Variants in SEMA6C observed in about 807,000 individuals in gnomAD.
SEMA6C encodes semaphorin 6C, also known as semaphorin-6C.
SEMA6C carries 37 observed loss-of-function variants against 72.9 expected under a neutral mutation model. That is an observed-to-expected ratio of 0.51 (90% confidence interval 0.39 to 0.67). The LOEUF is 0.67. SEMA6C is among the 30% of genes least tolerant of loss of function. The pLI, the probability that SEMA6C is intolerant of heterozygous loss-of-function variation, is 0.00. For synonymous variants in SEMA6C, 578 were observed against 554.1 expected (o/e 1.04, Z -0.61); for missense variants, 1,189 against 1,263.6 (o/e 0.94, Z 0.89).
rs757908781 is a variant in SEMA6C, at chr1:151,133,371, G to C, written c.1906C>G (p.Arg636Gly). 6.2e-7 allele frequency: 1 copy of C among 1,600,634 alleles called. No homozygotes were observed. Among genetic ancestry groups the C allele is most frequent in the Non-Finnish European group, 8.5e-7 (1 of 1,175,952 alleles). Residue 636 changes from arginine to glycine, a missense_variant, in exon 19 of 19, where the codon CGG becomes GGG. Arg to Gly is a moderately radical substitution (Grantham distance 125). Coordinates refer to ENST00000368914, the MANE Select transcript of SEMA6C (RefSeq NM_030913.6). The surrounding 1 kb of genome is among the most constrained non-coding windows in gnomAD (Gnocchi z 5.9). The part of the protein sequence containing the change: ...SCACRRAHRR[R>G]GKDIETPGLP... ...CCCGGAGTCTCGATGTCCTTGCCCCGACGTCGGTGGGCGCGGCGACAAGCA... is the reference window on the plus strand; with the variant it reads ...CCCGGAGTCTCGATGTCCTTGCCCCCACGTCGGTGGGCGCGGCGACAAGCA...
In SEMA6C at chr1:151,132,962, C is replaced by T. The variant is rs1159990070; in HGVS notation, c.2315G>A (p.Arg772His). 1 of 1,413,284 alleles carries T rather than the reference C, an allele frequency of 7.1e-7. No homozygotes were observed. Among genetic ancestry groups the T allele is most frequent in the Admixed American group, 2.5e-5 (1 of 40,238 alleles). 87.5% of individuals were successfully genotyped at this position (1,413,284 alleles called of 1,614,324 possible). Residue 772 changes from arginine to histidine, a missense_variant, in exon 19 of 19, where the codon CGC becomes CAC. Around this residue, in one of 2 missense-constraint regions of SEMA6C, gnomAD observed 721 missense variants for 686.2 expected, o/e 1.05. Transcript: ENST00000368914. ...VEVTTLEELL[R>H]YLHGPQPPRK... ...GGGCGGCTGCGGGCCGTGCAGGTAGCGCAGCAGTTCCTCCAGGGTGGTGAC... is the reference window on the plus strand; with the variant it reads ...GGGCGGCTGCGGGCCGTGCAGGTAGTGCAGCAGTTCCTCCAGGGTGGTGAC...
At position 151,132,528 on chromosome 1, in the gene SEMA6C, A is replaced by G; in HGVS notation, c.2749T>C (p.Ser917Pro). 1 of 1,550,202 alleles carries G rather than the reference A, an allele frequency of 6.5e-7. No homozygotes were observed. The highest frequency in any genetic ancestry group is 1.2e-5 in the South Asian group (1 of 84,038). ...CCGTTCGGGACGGCCTGGCGGGAGG[A>G]GGGCCCGACGAGGGGAGGCTTCAGG... ...LSLKPPLVGP[S>P]SRQAVPNGGR... is the part of the protein sequence containing the mutation. Residue 917 changes from serine (S) to proline (P), a missense_variant, in exon 19 of 19, where the codon TCC becomes CCC. Ser to Pro is a moderately conservative substitution (Grantham distance 74). Around this residue, in one of 2 missense-constraint regions of SEMA6C, gnomAD observed 721 missense variants for 686.2 expected, o/e 1.05. Transcript: ENST00000368914.
At chr1:151,142,749 C>A in intron 2 of SEMA6C, 74 bp from the exon 3 acceptor site, 1 of 716,886 alleles carries the variant, frequency 1.4e-6, no homozygotes, top group South Asian at 2.0e-5. Flanking sequence ...GCAGGCTCCT[C>A]TCCTGGTGTA....
Position 151,132,194 on chromosome 1 carries a change from G to A in SEMA6C, c.*290C>T, listed in dbSNP as rs766167849. On this transcript the variant is annotated 3_prime_UTR_variant, in exon 19 of 19. Coordinates refer to ENST00000368914, the MANE Select transcript of SEMA6C (RefSeq NM_030913.6). ...AGTCTCTGGGGGAGCCCCGAGGGGCGAGTTAAGGCAGCTTGGCTGGAAGGG... is the reference window on the plus strand; with the variant it reads ...AGTCTCTGGGGGAGCCCCGAGGGGCAAGTTAAGGCAGCTTGGCTGGAAGGG... The A allele has an allele frequency of 2.1e-6, 3 of 1,458,714 alleles. No individual in the cohort carries two copies. Among genetic ancestry groups the A allele is most frequent in the Middle Eastern group, 2.2e-4 (1 of 4,458 alleles). 90.4% of individuals were successfully genotyped at this position (1,458,714 alleles called of 1,614,324 possible).
At chr1:151,135,786 C>T in intron 13 of SEMA6C, 22 bp from the exon 14 acceptor site, 6 of 1,611,906 alleles carry the variant, frequency 3.7e-6, no homozygotes, top group Non-Finnish European at 5.1e-6. Context: ...GGCCTCAGGT[C>T]AGGGAACCTG....
intron 18 of SEMA6C, chr1:151,134,138 G>A (rs1681817070): frequency 2.8e-6 from 3 of 1,054,672 alleles, no homozygotes; most frequent in Admixed American, 2.8e-5. Context: ...CCTCCCTCCT[G>A]TGGAACCCAG....
At position 151,132,120 on chromosome 1, in the gene SEMA6C, A is replaced by T; in HGVS notation, c.*364T>A. ...AGTAGGAGAGGCACGTCCCAGACCCAGAAGGCCCGAGGACTCTGGACACAG... is the reference window on the plus strand; with the variant it reads ...AGTAGGAGAGGCACGTCCCAGACCCTGAAGGCCCGAGGACTCTGGACACAG... On this transcript the variant is annotated 3_prime_UTR_variant, in exon 19 of 19. Transcript: ENST00000368914. 1.9e-6 allele frequency: 2 copies of T among 1,068,120 alleles called. No individual in the cohort carries two copies. The highest frequency in any genetic ancestry group is 1.2e-6 in the Non-Finnish European group (1 of 810,400). The allele number at this position is 1,068,120 out of a possible 1,614,324, so 66.2% of individuals were successfully genotyped here. A position where few individuals can be genotyped will look rare whatever the true frequency, so the allele number is the denominator to read the frequency against.
At chr1:151,142,732 C>T in intron 2 of SEMA6C, 57 bp from the exon 3 acceptor site, 3 of 876,642 alleles carry the variant, frequency 3.4e-6, no homozygotes, top group Non-Finnish European at 5.1e-6. Flanking sequence ...TCCCCTGAAG[C>T]AAGCCAGCAG....
Position 151,133,900 on chromosome 1 carries a change from A to C in SEMA6C, c.1760-383T>G, listed in dbSNP as rs1681794788. On this transcript the variant is annotated intron_variant, in intron 18 of 18. Transcript: ENST00000368914. The surrounding 1 kb of genome is among the most constrained non-coding windows in gnomAD (Gnocchi z 5.9). ...AACACCATTCAGTGAGGGGCTTAGAACGCTCCGAGAATCAGCAGCCCCACA... is the reference window on the plus strand; with the variant it reads ...AACACCATTCAGTGAGGGGCTTAGACCGCTCCGAGAATCAGCAGCCCCACA... 13 of 1,376,102 alleles carry C rather than the reference A, an allele frequency of 9.4e-6. No individual in the cohort carries two copies. Among genetic ancestry groups the C allele is most frequent in the Non-Finnish European group, 1.2e-5 (12 of 989,978 alleles). The allele number at this position is 1,376,102 out of a possible 1,614,324, so 85.2% of individuals were successfully genotyped here. A position where few individuals can be genotyped will look rare whatever the true frequency, so the allele number is the denominator to read the frequency against.
intron 14 of SEMA6C, 78 bp from the exon 15 acceptor site, chr1:151,135,387 G>A (rs587734681): frequency 1.1e-5 from 17 of 1,551,100 alleles, no homozygotes; most frequent in African/African-American, 5.5e-5. Flanking sequence ...AACAGAAAGC[G>A]GGGAGGCACA....
chr1:151,135,372 G>A, intron 14 of SEMA6C, 63 bp from the exon 15 acceptor site: 10 of 1,569,078 alleles, frequency 6.4e-6, no homozygotes, highest in Non-Finnish European at 8.6e-6. Context: ...CTGAGTGAGT[G>A]GAAGAACAGA....
rs1472712017 is a variant in SEMA6C at position 151,132,657 on chromosome 1, T to C, written c.2620A>G (p.Arg874Gly). Residue 874 changes from arginine to glycine, a missense_variant, in exon 19 of 19, where the codon AGG becomes GGG. Around this residue, in one of 2 missense-constraint regions of SEMA6C, gnomAD observed 721 missense variants for 686.2 expected, o/e 1.05. Transcript: ENST00000368914. The stretch of plus-strand genomic sequence containing the variant: ...TGCTTCCCGGGACCCCCGGAGTACC[T>C]GGAGGGACCTCCCGAGGGGACTCGA... The part of the protein sequence containing the change: ...LTRVPSGGPS[R>G]YSGGPGKHLL... The C allele has an allele frequency of 1.3e-6, 2 of 1,549,672 alleles. No homozygotes were observed. Among genetic ancestry groups the C allele is most frequent in the Admixed American group, 2.0e-5 (1 of 50,946 alleles).
Position 151,145,808 on chromosome 1 carries a change from A to T in SEMA6C, c.-105+625T>A, listed in dbSNP as rs758729844. On this transcript the variant is annotated intron_variant, in intron 1 of 18. Coordinates refer to ENST00000368914, the MANE Select transcript of SEMA6C (RefSeq NM_030913.6). This position sits in a 1 kb window ranked among gnomAD's most constrained non-coding sequence, Gnocchi z 4.4. ...GCTCAGTGGGGACCGTGGGCTCAGG[A>T]GGCAGTTGCCAGCTCGGATGTCCTC... is the stretch of plus-strand genomic sequence containing the variant. 2 of 152,336 alleles carry T rather than the reference A, an allele frequency of 1.3e-5. No homozygotes were observed. The highest frequency in any genetic ancestry group is 2.9e-5 in the Non-Finnish European group (2 of 68,126). 9.4% of individuals were successfully genotyped at this position (152,336 alleles called of 1,614,324 possible).
intron 3 of SEMA6C, 94 bp downstream of exon 3, chr1:151,142,410 G>A: frequency 7.1e-7 from 1 of 1,412,814 alleles, no homozygotes; most frequent in Admixed American, 1.9e-5. Context: ...AGCTTCCTGA[G>A]GCTGGGAGCC....
Position 151,132,627 on chromosome 1 carries a change from G to T in SEMA6C, c.2650C>A (p.Leu884Met), listed in dbSNP as rs749578798. Residue 884 changes from leucine to methionine, a missense_variant, in exon 19 of 19, where the codon CTG (leucine) becomes ATG (methionine). Physicochemically the swap from Leu to Met is conservative, Grantham distance 15 (BLOSUM62 2). Transcript: ENST00000368914. ...TAGCCCTCGGGCCGGCCCAGGTACA[G>T]GAGGTGCTTCCCGGGACCCCCGGAG... Reference protein sequence around the residue: ...RYSGGPGKHLLYLGRPEGYRG... With the variant: ...RYSGGPGKHLMYLGRPEGYRG... 3.2e-5 allele frequency: 50 copies of T among 1,550,836 alleles called. No individual in the cohort carries two copies. Among genetic ancestry groups the T allele is most frequent in the Middle Eastern group, 3.3e-4 (2 of 6,008 alleles).
Position 151,132,774 on chromosome 1 carries a change from G to A in SEMA6C, c.2503C>T (p.Pro835Ser). Residue 835 changes from proline to serine, a missense_variant, in exon 19 of 19, where the codon CCC becomes TCC. Physicochemically the swap from Pro to Ser is moderately conservative, Grantham distance 74. Around this residue, in one of 2 missense-constraint regions of SEMA6C, gnomAD observed 721 missense variants for 686.2 expected, o/e 1.05. Coordinates refer to ENST00000368914, the MANE Select transcript of SEMA6C (RefSeq NM_030913.6). The stretch of plus-strand genomic sequence containing the variant: ...CGGGGAGCGGGGGCGGAGAGCGCGG[G>A]CCGGGCGGGGGCAGAGGCGCACCTG... ...EGRCASAPARPALSAPAPRLG... is the reference protein window; with the variant it reads ...EGRCASAPARSALSAPAPRLG... 7.1e-7 allele frequency: 1 copy of A among 1,404,076 alleles called. No individual in the cohort carries two copies. The highest frequency in any genetic ancestry group is 9.3e-7 in the Non-Finnish European group (1 of 1,076,386). 87.0% of individuals were successfully genotyped at this position (1,404,076 alleles called of 1,614,324 possible).
Position 151,134,394 on chromosome 1 carries a change from G to C in SEMA6C, c.1759+7C>G. 6.3e-7 allele frequency: 1 copy of C among 1,582,310 alleles called. No individual in the cohort carries two copies. Among genetic ancestry groups the C allele is most frequent in the Non-Finnish European group, 8.6e-7 (1 of 1,163,784 alleles). On this transcript the variant is annotated splice_region_variant and intron_variant, in intron 18 of 18. Coordinates refer to ENST00000368914, the MANE Select transcript of SEMA6C (RefSeq NM_030913.6). ...AGGGAAGGTGAGGTTGGGACAAGAG[G>C]ACTCACCATAAGCAGAATCCCCAGG...
In SEMA6C at chr1:151,132,848, C is replaced by T. The variant is rs1026832588; in HGVS notation, c.2429G>A (p.Arg810Lys). ...APALLGGPSPRPHECASPLRL... is the reference protein window; with the variant it reads ...APALLGGPSPKPHECASPLRL... Reference sequence around the variant, plus strand: ...CAGCGGCGAGGCGCACTCGTGGGGCCTGGGGCTGGGGCCGCCCAAGAGGGC... The same window carrying T: ...CAGCGGCGAGGCGCACTCGTGGGGCTTGGGGCTGGGGCCGCCCAAGAGGGC... Residue 810 changes from arginine (R) to lysine (K), a missense_variant, in exon 19 of 19, where the codon AGG becomes AAG. Physicochemically the swap from Arg to Lys is conservative, Grantham distance 26. Transcript: ENST00000368914. 40 of 1,277,420 alleles carry T rather than the reference C, an allele frequency of 3.1e-5. No homozygotes were observed. The highest frequency in any genetic ancestry group is 3.8e-5 in the Non-Finnish European group (38 of 1,013,258). The allele number at this position is 1,277,420 out of a possible 1,614,324, so 79.1% of individuals were successfully genotyped here.
At chr1:151,136,757 A>G in intron 11 of SEMA6C, 100 bp downstream of exon 11, 1 of 1,381,860 alleles carries the variant, frequency 7.2e-7, no homozygotes, top group Admixed American at 1.9e-5. Context: ...CTTTGTTCGG[A>G]GGTTCCCTTA....
Sources: gnomAD v4.1 joint callset for allele counts on GRCh38, gnomAD v4.1.1 for gene constraint, gnomAD v4.1.1 regional missense constraint, Gnocchi (gnomAD v3.1) non-coding constraint, MANE v1.5 for transcripts, NCBI Gene and HGNC (gene_info 2026-07-23, HGNC 2026-07-21) for gene names.